PRKCB: variants seen among roughly 807,000 people sequenced by gnomAD.
PRKCB encodes the protein protein kinase C beta type.
A neutral mutation model predicts 81.5 loss-of-function variants in PRKCB; 13 were observed. That is an observed-to-expected ratio of 0.16 (90% CI 0.10 to 0.25). PRKCB has a LOEUF of 0.25. Among genes scored for constraint, PRKCB ranks in the 10% least tolerant of loss-of-function variants. The probability of loss-of-function intolerance (pLI) is 1.00; values close to 1 mark genes in which losing one functional copy is unlikely to be tolerated. For synonymous variants in PRKCB, 335 were observed against 321.4 expected, an observed-to-expected ratio of 1.04 and a Z score of -0.45; for missense variants, 509 against 875.7, an observed-to-expected ratio of 0.58 and a Z score of 5.29.
intron 3 of PRKCB, among the ~76,000 whole-genome samples, chr16:24,003,446 A>G (rs1596506577): frequency 6.7e-6 from 1 of 149,252 alleles, no homozygotes; most frequent in Non-Finnish European, 1.5e-5. Flanking sequence ...GTGCAGTGGT[A>G]CGATCTCAGC....
At chr16:24,164,184 C>G (rs1227210402) in intron 10 of PRKCB, among the ~76,000 whole-genome samples, 2 of 152,210 alleles carry the variant, frequency 1.3e-5, no homozygotes, top group African/African-American at 4.8e-5. Context: ...ATGTTACACT[C>G]CACTTTCAGC....
At chr16:24,130,560 C>T (rs1358188704) in intron 9 of PRKCB, among the ~76,000 whole-genome samples, 1 of 152,114 alleles carries the variant, frequency 6.6e-6, no homozygotes, top group African/African-American at 2.4e-5. Flanking sequence ...AATAGACCCC[C>T]AAATATATAC....
At chr16:23,911,314 C>A (rs1963650163) in intron 2 of PRKCB, among the ~76,000 whole-genome samples, 1 of 151,386 alleles carries the variant, frequency 6.6e-6, no homozygotes, top group African/African-American at 2.4e-5. Context: ...TTTTTGTAGA[C>A]ACAGGGTCTC....
chr16:23,853,275 T>C (rs1207750384), intron 2 of PRKCB, among the ~76,000 whole-genome samples: 1 of 152,258 alleles, frequency 6.6e-6, no homozygotes, highest in Non-Finnish European at 1.5e-5. Context: ...TTCTTACTCA[T>C]GTCACTAACC....
chr16:23,959,150 A>G (rs1051175562), intron 2 of PRKCB, among the ~76,000 whole-genome samples: 72 of 152,172 alleles, frequency 4.7e-4, no homozygotes, highest in African/African-American at 1.6e-3. Flanking sequence ...AAAATAAACA[A>G]TCTCACTTAG....
intron 2 of PRKCB, among the ~76,000 whole-genome samples, chr16:23,946,410 C>G (rs1436320083): frequency 6.6e-6 from 1 of 152,172 alleles, no homozygotes; most frequent in Non-Finnish European, 1.5e-5. Context: ...ACCTTGCTGT[C>G]ATCCATCATA....
rs1301720800 is a variant in PRKCB, at chr16:24,188,862, G to A, written c.1723-2228G>A. 3.3e-5 allele frequency among the ~76,000 whole-genome samples: 5 copies of A among 152,196 alleles called. No homozygotes were observed. In the East Asian group the frequency reaches 5.8e-4, roughly 18 times the overall value. On this transcript the variant is annotated intron_variant, in intron 15 of 16. Coordinates refer to ENST00000643927, the MANE Select transcript of PRKCB (RefSeq NM_002738.7). Reference sequence around the variant, plus strand: ...AAAATGGGGGATAATAGTTGCTGAGGCCTTAGAGTATTGTTGCAAAGTTTA... The same window carrying A: ...AAAATGGGGGATAATAGTTGCTGAGACCTTAGAGTATTGTTGCAAAGTTTA...
intron 16 of PRKCB, among the ~76,000 whole-genome samples, chr16:24,207,703 G>C (rs1596599496): frequency 6.6e-6 from 1 of 152,132 alleles, no homozygotes; most frequent in Non-Finnish European, 1.5e-5. Context: ...ATTCTTTGAT[G>C]AACACCCTGT....
chr16:23,918,404 T>A (rs58223031), intron 2 of PRKCB, among the ~76,000 whole-genome samples: 142,678 of 148,330 alleles, frequency 0.96, 68,643 homozygotes, highest in East Asian at 1. Context: ...TATTATTATT[T>A]TTTTTTTTTT....
chr16:24,021,347 CTTCCTTCCTCCT>C (rs1257285784), intron 3 of PRKCB, among the ~76,000 whole-genome samples: 1,072 of 78,778 alleles, frequency 0.014, 184 homozygotes, highest in African/African-American at 0.022. Flanking sequence ...TCCTTCCTTC[CTTCCTTCCTCCT>C]TCCCTCCCTC....
rs551909288 is a variant in PRKCB, at chr16:23,890,372, G to T, written c.205+52966G>T. Among the ~76,000 whole-genome samples the T allele has an allele frequency of 3.9e-5, 6 of 152,290 alleles. No individual in the cohort carries two copies. The South Asian group carries it at 1.2e-3, about 32-fold the overall frequency. On this transcript the variant is annotated intron_variant, in intron 2 of 16. Coordinates refer to ENST00000643927, the MANE Select transcript of PRKCB (RefSeq NM_002738.7). Reference sequence around the variant, plus strand: ...TCTTGCTCCTCTTCCTCTGAATCTTGTAGGGGCCTTTAATCTTTCTGTAAC... The same window carrying T: ...TCTTGCTCCTCTTCCTCTGAATCTTTTAGGGGCCTTTAATCTTTCTGTAAC...
At chr16:24,181,021 C>A (rs1317921273) in intron 13 of PRKCB, 93 bp downstream of exon 13, 1 of 1,476,146 alleles carries the variant, frequency 6.8e-7, no homozygotes, top group Non-Finnish European at 9.2e-7. Context: ...GAGGGTGGTA[C>A]CTTGCAAGGG....
rs1968236913 is a variant in PRKCB at position 24,216,950 on chromosome 16, G to A, written c.*2134G>A. On this transcript the variant is annotated 3_prime_UTR_variant, in exon 17 of 17. Coordinates refer to ENST00000643927, the MANE Select transcript of PRKCB (RefSeq NM_002738.7). ...ATCTCTGAGCCAGGCCCACCAACAG[G>A]CCCTTATCTGGTGGTTGGATCATGA... 1 of 985,294 alleles carries A rather than the reference G, an allele frequency of 1.0e-6. No individual in the cohort carries two copies. The highest frequency in any genetic ancestry group is 1.7e-5 in the African/African-American group (1 of 57,220). 61.0% of individuals were successfully genotyped at this position (985,294 alleles called of 1,614,324 possible).
chr16:23,911,127 G>GTTTTTTTT (rs1567310884), intron 2 of PRKCB, among the ~76,000 whole-genome samples: 9 of 11,780 alleles, frequency 7.6e-4, no homozygotes, highest in African/African-American at 1.9e-3. Flanking sequence ...ACGTATATAT[G>GTTTTTTTT]CTTTTTTTTT....
intron 2 of PRKCB, among the ~76,000 whole-genome samples, chr16:23,934,658 A>T (rs1964033431): frequency 6.6e-6 from 1 of 152,198 alleles, no homozygotes; most frequent in South Asian, 2.1e-4. Context: ...GTTTCAGGTT[A>T]GGAATTGTCA....
chr16:23,839,300 G>A (rs1266791508), intron 2 of PRKCB, among the ~76,000 whole-genome samples: 1 of 110,394 alleles, frequency 9.1e-6, no homozygotes, highest in Non-Finnish European at 1.8e-5. Context: ...TTTTGACAGG[G>A]TCTCACTCTT....
intron 3 of PRKCB, among the ~76,000 whole-genome samples, chr16:23,994,290 T>G (rs565851503): frequency 6.6e-6 from 1 of 152,326 alleles, no homozygotes; most frequent in East Asian, 1.9e-4. Flanking sequence ...TGTCTTACAG[T>G]GGATCCAGTG....
intron 5 of PRKCB, among the ~76,000 whole-genome samples, chr16:24,037,931 T>A (rs1032335412): frequency 1.7e-4 from 26 of 151,316 alleles, no homozygotes; most frequent in African/African-American, 6.1e-4. Flanking sequence ...CTCATGCCTA[T>A]AATCCCAGCG....
intron 3 of PRKCB, among the ~76,000 whole-genome samples, chr16:24,028,915 C>T (rs1965517014): frequency 6.6e-6 from 1 of 152,164 alleles, no homozygotes; most frequent in Non-Finnish European, 1.5e-5. Flanking sequence ...CTCACCCTCC[C>T]AAGTAGCTGG....
Sources: allele counts gnomAD v4.1 joint callset (sites outside exome capture counted in the v4.1 genomes callset), GRCh38; gene constraint gnomAD v4.1.1; transcripts MANE v1.5; gene names NCBI Gene and HGNC (gene_info 2026-07-23, HGNC 2026-07-21).